Variants in SCO2 observed in about 807,000 individuals in gnomAD.
SCO2 encodes the protein synthesis of cytochrome C oxidase 2, also known as cytochrome c oxidase assembly factor SCO2.
For synonymous variants in SCO2, 195 were observed against 148.6 expected (o/e 1.31, Z -2.27); for missense variants, 429 against 348.7 (o/e 1.23, Z -1.83).
At position 50,523,966 on chromosome 22, in the gene SCO2, CGCACCACCT is replaced by C. The variant is rs1569521526; in HGVS notation, c.437_445del (p.Gln146_Val148del). 8.1e-6 allele frequency: 13 copies of C among 1,612,284 alleles called. No individual in the cohort carries two copies. The Admixed American group carries it at 8.3e-5, about 10-fold the overall frequency. ...CAAACCAGGCTCTGCTTCCAGCTGC[CGCACCACCT>C]GCACCAGCTTCTCCAGCTCGTCTGG... On this transcript the variant is annotated inframe_deletion, in exon 2 of 2. Coordinates refer to ENST00000395693, the MANE Select transcript of SCO2 (RefSeq NM_005138.3).
At chr22:50,525,257 G>T (rs2069293357) in intron 1 of SCO2, among the ~76,000 whole-genome samples, 1 of 152,238 alleles carries the variant, frequency 6.6e-6, no homozygotes, top group Admixed American at 6.5e-5. Flanking sequence ...AGGACCACTC[G>T]AAGCGCCGCG....
At chr22:50,525,672 C>T (rs553249815), upstream of SCO2, 24 of 1,528,814 alleles carry the variant, frequency 1.6e-5, no homozygotes, top group South Asian at 8.3e-5. Context: ...GCGGAGCCCG[C>T]CGGGGGTCAC....
chr22:50,525,137 C>T (rs117290338), intron 1 of SCO2, among the ~76,000 whole-genome samples: 1,747 of 152,342 alleles, frequency 0.011, 14 homozygotes, highest in Middle Eastern at 0.02. Flanking sequence ...CGGTCACTGC[C>T]CCCTCCTGCT....
chr22:50,526,224 C>A (rs752587696), upstream of SCO2: 2 of 1,516,112 alleles, frequency 1.3e-6, no homozygotes, highest in African/African-American at 1.4e-5. Flanking sequence ...GGCGGAAGGA[C>A]GGGGACTCCC....
At chr22:50,525,153 C>T (rs1316090271) in intron 1 of SCO2, among the ~76,000 whole-genome samples, 1 of 152,242 alleles carries the variant, frequency 6.6e-6, no homozygotes, top group Non-Finnish European at 1.5e-5. Context: ...CTGCTGAGGG[C>T]ACCCTCCCGA....
chr22:50,523,908 G>A lies in SCO2; in HGVS notation c.504C>T (p.Asp168=), dbSNP rs2069202678. Residue 168 remains aspartate, a synonymous_variant, in exon 2 of 2, where the codon GAC becomes GAT. Transcript: ENST00000395693. ...PPVQPVFITV[D]PERDDVEAMA... ...TGGCTTCAACGTCGTCCCGCTCGGG[G>A]TCCACAGTGATGAAGACAGGCTGCA... 1.2e-6 allele frequency: 2 copies of A among 1,613,760 alleles called. No homozygotes were observed. Among genetic ancestry groups the A allele is most frequent in the Non-Finnish European group, 1.7e-6 (2 of 1,179,948 alleles).
chr22:50,526,127 C>T (rs1157560052), upstream of SCO2: 7 of 1,488,774 alleles, frequency 4.7e-6, no homozygotes, highest in South Asian at 1.3e-5. Context: ...AGCGCCCGGA[C>T]CAGCTCCACG....
In SCO2 at chr22:50,523,760, G is replaced by C. The variant is rs1462114828; in HGVS notation, c.652C>G (p.Gln218Glu). The C allele has an allele frequency of 1.9e-6, 3 of 1,614,182 alleles. No homozygotes were observed. The highest frequency in any genetic ancestry group is 2.5e-6 in the Non-Finnish European group (3 of 1,180,022). ...YYNAGPKDED[Q>E]DYIVDHSIAI... ...ATGGAGTGGTCCACGATGTAGTCCTGGTCCTCATCCTTGGGGCCTGCATTG... is the reference window on the plus strand; with the variant it reads ...ATGGAGTGGTCCACGATGTAGTCCTCGTCCTCATCCTTGGGGCCTGCATTG... The change falls in exon 2 of 2, where the codon CAG becomes GAG. Residue 218 changes from glutamine to glutamate, a missense_variant. By Grantham distance (29) the Gln-to-Glu change is conservative (BLOSUM62 2). Coordinates refer to ENST00000395693, the MANE Select transcript of SCO2 (RefSeq NM_005138.3).
chr22:50,524,901 A>G (rs2148673947), intron 1 of SCO2: 1 of 176,530 alleles, frequency 5.7e-6, no homozygotes. Flanking sequence ...GAAAACCTGC[A>G]CGACCTACCC....
Position 50,524,261 on chromosome 22 carries a change from G to C in SCO2, c.151C>G (p.Gln51Glu). 1 of 1,604,878 alleles carries C rather than the reference G, an allele frequency of 6.2e-7. No individual in the cohort carries two copies. Among genetic ancestry groups the C allele is most frequent in the Non-Finnish European group, 8.5e-7 (1 of 1,179,792 alleles). The change falls in exon 2 of 2, where the codon CAG becomes GAG. Residue 51 changes from glutamine (Q) to glutamate (E), a missense_variant. Gln to Glu is a conservative substitution (Grantham distance 29, BLOSUM62 2). Transcript: ENST00000395693. ...QGPAETGGQG[Q>E]PQGPGLRTRL... ...GTTCGAAGCCCAGGGCCCTGGGGCTGGCCCTGCCCACCTGTCTCTGCAGGG... is the reference window on the plus strand; with the variant it reads ...GTTCGAAGCCCAGGGCCCTGGGGCTCGCCCTGCCCACCTGTCTCTGCAGGG...
At chr22:50,525,353 C>G in intron 1 of SCO2, 119 bp downstream of exon 1, 1 of 260,072 alleles carries the variant, frequency 3.8e-6, no homozygotes, top group Non-Finnish European at 7.5e-6. Flanking sequence ...GCTCCGGCCT[C>G]CAGCGCGCCC....
chr22:50,526,419 C>T (rs1435468507), upstream of SCO2: 1 of 1,507,924 alleles, frequency 6.6e-7, no homozygotes, highest in Non-Finnish European at 8.8e-7. Flanking sequence ...CGCGGCCACC[C>T]GGGCAGCGCC....
Position 50,524,463 on chromosome 22 carries a change from G to T in SCO2, c.-13-39C>A, listed in dbSNP as rs537058752. The T allele has an allele frequency of 1.9e-6, 3 of 1,584,290 alleles. No homozygotes were observed. The African/African-American group carries it at 4.0e-5, about 21-fold the overall frequency. On this transcript the variant is annotated intron_variant, in intron 1 of 1. Coordinates refer to ENST00000395693, the MANE Select transcript of SCO2 (RefSeq NM_005138.3). ...CAGGCGTCAGGAGCCAGAAGGGAAG[G>T]CCCAGGACAGTGCCTGGGCTGCCCC...
chr22:50,523,713 A>C lies in SCO2; in HGVS notation c.699T>G (p.Pro233=), dbSNP rs771501501. ...CGTAGTAATCCGTGAAGAGGCCGTCAGGGTTGAGCAGGTAGATGGCAATGG... is the reference window on the plus strand; with the variant it reads ...CGTAGTAATCCGTGAAGAGGCCGTCCGGGTTGAGCAGGTAGATGGCAATGG... ...DHSIAIYLLN[P]DGLFTDYYGR... Residue 233 remains proline, a synonymous_variant, in exon 2 of 2, where the codon CCT becomes CCG. Coordinates refer to ENST00000395693, the MANE Select transcript of SCO2 (RefSeq NM_005138.3). The C allele has an allele frequency of 1.9e-6, 3 of 1,614,066 alleles. No homozygotes were observed. In the Admixed American group the frequency reaches 5.0e-5, roughly 27 times the overall value.
Position 50,523,665 on chromosome 22 carries a change from C to G in SCO2, c.747G>C (p.Gln249His), listed in dbSNP as rs780783257. 1.9e-6 allele frequency: 3 copies of G among 1,613,936 alleles called. No homozygotes were observed. Among genetic ancestry groups the G allele is most frequent in the East Asian group, 4.5e-5 (2 of 44,894 alleles). The change falls in exon 2 of 2, where the codon CAG (glutamine) becomes CAC (histidine). Residue 249 changes from glutamine (Q) to histidine (H), a missense_variant. Coordinates refer to ENST00000395693, the MANE Select transcript of SCO2 (RefSeq NM_005138.3). ...DYYGRSRSAE[Q>H]ISDSVRRHMA... is the part of the protein sequence containing the mutation. ...TGTGCCGCCGCACACTGTCTGAGAT[C>G]TGCTCAGCCGATCTGCTCCGGCCGT...
upstream of SCO2, chr22:50,526,094 C>G (rs755917995): frequency 6.1e-6 from 9 of 1,486,448 alleles, no homozygotes; most frequent in Admixed American, 2.3e-5. Context: ...GCCCCGAGCT[C>G]GTGCAGCACC....
chr22:50,524,064 C>T lies in SCO2; in HGVS notation c.348G>A (p.Lys116=). ...LLDHRGRARC[K]ADFRGQWVLM... The stretch of plus-strand genomic sequence containing the variant: ...GCACCCACTGGCCCCGGAAGTCAGC[C>T]TTGCAGCGAGCCCGGCCTCTGTGAT... Residue 116 remains lysine, a synonymous_variant, in exon 2 of 2, where the codon AAG becomes AAA. Coordinates refer to ENST00000395693, the MANE Select transcript of SCO2 (RefSeq NM_005138.3). 6.2e-7 allele frequency: 1 copy of T among 1,613,356 alleles called. No homozygotes were observed. Among genetic ancestry groups the T allele is most frequent in the Non-Finnish European group, 8.5e-7 (1 of 1,180,022 alleles).
At chr22:50,525,708 C>T (rs1422987254), upstream of SCO2, 34 of 1,574,488 alleles carry the variant, frequency 2.2e-5, no homozygotes, top group South Asian at 4.6e-5. Context: ...GCCCCCGCCT[C>T]CGCAGCCCTG....
rs974202598 is a variant in SCO2, at chr22:50,524,791, T to A, written c.-13-367A>T. On this transcript the variant is annotated intron_variant, in intron 1 of 1. Coordinates refer to ENST00000395693, the MANE Select transcript of SCO2 (RefSeq NM_005138.3). Reference sequence around the variant, plus strand: ...CATTTCTTAAAAGGAGGTGGGTAACTCTCTGGCTTGCAATCCCCGAGAGCA... The same window carrying A: ...CATTTCTTAAAAGGAGGTGGGTAACACTCTGGCTTGCAATCCCCGAGAGCA... 1.1e-4 allele frequency: 44 copies of A among 399,092 alleles called. 1 individual carries two copies. Among genetic ancestry groups the A allele is most frequent in the South Asian group, 2.8e-4 (15 of 54,110 alleles). 24.7% of individuals were successfully genotyped at this position (399,092 alleles called of 1,614,324 possible). A position where few individuals can be genotyped will look rare whatever the true frequency, so the allele number is the denominator to read the frequency against.
Sources: allele counts gnomAD v4.1 joint callset (sites outside exome capture counted in the v4.1 genomes callset), GRCh38; gene constraint gnomAD v4.1.1; transcripts MANE v1.5; gene names NCBI Gene and HGNC (gene_info 2026-07-23, HGNC 2026-07-21).